The following SCNN1D variants were observed in gnomAD, a reference collection of about 807,000 sequenced individuals.
SCNN1D encodes the protein sodium channel epithelial 1 subunit delta.
Under a neutral mutation model 87.8 loss-of-function variants are expected in SCNN1D, and 104 were observed. That is an observed-to-expected ratio of 1.18 (90% CI 1.01 to 1.39). SCNN1D has a LOEUF of 1.39. Among genes scored for constraint, SCNN1D ranks in the 40% most tolerant of loss-of-function variants. SCNN1D has a pLI of 0.00. For missense variants in SCNN1D, 1,324 were observed against 1,093.9 expected (o/e 1.21, Z -2.97); for synonymous variants, 628 against 481.2 (o/e 1.31, Z -3.99).
intron 1 of SCNN1D, chr1:1,280,964 G>A (rs1161980752): frequency 1.0e-5 from 6 of 590,510 alleles, no homozygotes; most frequent in Non-Finnish European, 1.8e-5. Flanking sequence ...TGCAGTTGAT[G>A]CCCGGGGCCG....
At chr1:1,285,833 C>A (rs948438414) in intron 6 of SCNN1D, 93 bp from the exon 7 acceptor site, 3 of 1,329,380 alleles carry the variant, frequency 2.3e-6, no homozygotes, top group Non-Finnish European at 3.1e-6. Context: ...GCAGGTAGGG[C>A]GGGGCACTGG....
chr1:1,291,550 G>A lies in SCNN1D; in HGVS notation c.2349G>A (p.Ala783=), dbSNP rs144529696. The change falls in exon 18 of 18, where the codon GCG becomes GCA. Residue 783 remains alanine (A), a synonymous_variant. Coordinates refer to ENST00000379116, the MANE Select transcript of SCNN1D (RefSeq NM_001130413.4). ...GGGTGATGCTTCCAGGGGTTCTGGC[G>A]GGAGTCTCAGCCGAAGAGAGCTGGG... is the stretch of plus-strand genomic sequence containing the variant. The part of the protein sequence containing the change: ...LPRVMLPGVL[A]GVSAEESWAG... 3.0e-4 allele frequency: 480 copies of A among 1,593,192 alleles called. 2 individuals carry two copies. The highest frequency in any genetic ancestry group is 2.8e-3 in the African/African-American group (205 of 74,440).
chr1:1,290,765 C>T, intron 15 of SCNN1D, 71 bp downstream of exon 15: 1 of 1,595,320 alleles, frequency 6.3e-7, no homozygotes, highest in Non-Finnish European at 8.6e-7. Context: ...CAGAGCCCAC[C>T]CAAGACAAGG....
At position 1,290,319 on chromosome 1, in the gene SCNN1D, TG is replaced by T. The variant is rs1640759094; in HGVS notation, c.1712del (p.Cys571LeufsTer76). The T allele has an allele frequency of 4.3e-5, 68 of 1,593,186 alleles. No individual in the cohort carries two copies. The highest frequency in any genetic ancestry group is 5.7e-5 in the Non-Finnish European group (67 of 1,168,388). On this transcript the variant is annotated frameshift_variant, in exon 13 of 18. Coordinates refer to ENST00000379116, the MANE Select transcript of SCNN1D (RefSeq NM_001130413.4). LOFTEE classifies it high-confidence loss of function. ...FQQLMVETCS[C>X]GYYLHPLPAG... ...GCAGCTGATGGTGGAGACCTGCTCC[TG>T]TGGCTACTACCTCCACCCTCTGCCG...
Position 1,287,509 on chromosome 1 carries a change from C to G in SCNN1D, c.1312C>G (p.Gln438Glu), listed in dbSNP as rs772315736. 2.0e-6 allele frequency: 3 copies of G among 1,518,832 alleles called. No homozygotes were observed. Among genetic ancestry groups the G allele is most frequent in the Non-Finnish European group, 2.6e-6 (3 of 1,132,480 alleles). The allele number at this position is 1,518,832 out of a possible 1,614,324, so 94.1% of individuals were successfully genotyped here. The change falls in exon 10 of 18, where the codon CAG (glutamine) becomes GAG (glutamate). Residue 438 changes from glutamine (Q) to glutamate (E), a missense_variant and splice_region_variant. Physicochemically the swap from Gln to Glu is conservative, Grantham distance 29 (BLOSUM62 2). Coordinates refer to ENST00000379116, the MANE Select transcript of SCNN1D (RefSeq NM_001130413.4). ...TCTGAGCTTGGCTTCTCATTCCAGA[C>G]AGTTCCGGACCTTCCACCACCCCAC... ...SYDGLDCQAR[Q>E]FRTFHHPTYG...
At chr1:1,288,228 T>TCTGCCCCGTCCCGTGTCC (rs1640658701) in intron 12 of SCNN1D, among the ~76,000 whole-genome samples, 191 bp downstream of exon 12, 1 of 127,552 alleles carries the variant, frequency 7.8e-6, no homozygotes, top group Admixed American at 9.1e-5. Flanking sequence ...GTCCCGTGTC[T>TCTGCCCCGTCCCGTGTCC]CTGCTCCGTC....
intron 15 of SCNN1D, 75 bp downstream of exon 15, chr1:1,290,769 G>C (rs1250306052): frequency 1.3e-6 from 2 of 1,593,542 alleles, no homozygotes; most frequent in East Asian, 2.2e-5. Context: ...GCCCACCCAA[G>C]ACAAGGGCAG....
Position 1,287,849 on chromosome 1 carries a change from C to T in SCNN1D, c.1563+13C>T. 1 of 1,527,806 alleles carries T rather than the reference C, an allele frequency of 6.5e-7. No individual in the cohort carries two copies. The highest frequency in any genetic ancestry group is 8.8e-7 in the Non-Finnish European group (1 of 1,131,448). 94.6% of individuals were successfully genotyped at this position (1,527,806 alleles called of 1,614,324 possible). A position where few individuals can be genotyped will look rare whatever the true frequency, so the allele number is the denominator to read the frequency against. ...CAGCATCCGAGAGGTGAGCTGGCCT[C>T]TGCAGCCAACCTCCGGCCCAGGCCT... On this transcript the variant is annotated intron_variant, in intron 11 of 17. Transcript: ENST00000379116.
chr1:1,291,319 CCTCCTGGAG>C lies in SCNN1D; in HGVS notation c.2130_2138del (p.Glu712_Leu714del), dbSNP rs754760975. ...TGTGGTTTGGGGCCTCCGTCCTCTCCCTCCTGGAGCTCCTGGAGCTGCTGCTCGATGCTT... is the reference window on the plus strand; with the variant it reads ...TGTGGTTTGGGGCCTCCGTCCTCTCCCTCCTGGAGCTGCTGCTCGATGCTT... On this transcript the variant is annotated inframe_deletion, in exon 18 of 18. Transcript: ENST00000379116. 19 of 1,595,834 alleles carry C rather than the reference CCTCCTGGAG, an allele frequency of 1.2e-5. No homozygotes were observed. The highest frequency in any genetic ancestry group is 1.4e-5 in the Non-Finnish European group (17 of 1,173,062).
chr1:1,286,297 G>C lies in SCNN1D; in HGVS notation c.911+19G>C. 6.5e-7 allele frequency: 1 copy of C among 1,535,806 alleles called. No homozygotes were observed. The highest frequency in any genetic ancestry group is 8.8e-7 in the Non-Finnish European group (1 of 1,140,538). ...CACGTCGGTGAGGGCCAGGGCTGTC[G>C]GCGGGAGGGGTGGCCGCCCCAGCTC... On this transcript the variant is annotated intron_variant, in intron 7 of 17. Transcript: ENST00000379116.
In SCNN1D at chr1:1,291,823, T is replaced by G. The variant is rs918038638; in HGVS notation, c.*213T>G. 1 of 455,360 alleles carries G rather than the reference T, an allele frequency of 2.2e-6. No individual in the cohort carries two copies. The highest frequency in any genetic ancestry group is 3.8e-6 in the Non-Finnish European group (1 of 259,850). 28.2% of individuals were successfully genotyped at this position (455,360 alleles called of 1,614,324 possible). Reference sequence around the variant, plus strand: ...CAAGGAGGCCCGGGGCGGAGGGGGGTTCCCGCGTGCACACGAGTGCGGCTG... The same window carrying G: ...CAAGGAGGCCCGGGGCGGAGGGGGGGTCCCGCGTGCACACGAGTGCGGCTG... On this transcript the variant is annotated 3_prime_UTR_variant, in exon 18 of 18. Coordinates refer to ENST00000379116, the MANE Select transcript of SCNN1D (RefSeq NM_001130413.4).
intron 11 of SCNN1D, 33 bp from the exon 12 acceptor site, chr1:1,287,906 C>A: frequency 6.6e-7 from 1 of 1,526,024 alleles, no homozygotes; most frequent in Non-Finnish European, 8.8e-7. Flanking sequence ...GGGGTGAGGG[C>A]AGGGCCCATG....
At position 1,291,235 on chromosome 1, in the gene SCNN1D, A is replaced by G. The variant is rs776542782; in HGVS notation, c.2053-19A>G. 8.7e-5 allele frequency: 135 copies of G among 1,560,692 alleles called. No individual in the cohort carries two copies. In the East Asian group the frequency reaches 2.6e-3, roughly 30 times the overall value. On this transcript the variant is annotated intron_variant, in intron 17 of 17. Transcript: ENST00000379116. ...ACGGGGGCCTGGGCCCGCCCCTCAC[A>G]CCCGCACCCCACCCGCAGGTGCCGC...
intron 8 of SCNN1D, 43 bp from the exon 9 acceptor site, chr1:1,287,066 C>A: frequency 6.3e-7 from 1 of 1,578,014 alleles, no homozygotes. Flanking sequence ...GGAGCGGGGC[C>A]TGGGCTGTAG....
rs1640814908 is a variant in SCNN1D, at chr1:1,291,439, C to T, written c.2238C>T (p.Ser746=). Reference sequence around the variant, plus strand: ...GAGCCAGCCCTGCCTCAGGGGCGTCCAGCATCAAGCCAGAGGCCAGTCAGA... The same window carrying T: ...GAGCCAGCCCTGCCTCAGGGGCGTCTAGCATCAAGCCAGAGGCCAGTCAGA... The part of the protein sequence containing the change: ...WPRASPASGA[S]SIKPEASQMP... The change falls in exon 18 of 18, where the codon TCC becomes TCT. Residue 746 remains serine (S), a synonymous_variant. Transcript: ENST00000379116. The T allele has an allele frequency of 6.2e-7, 1 of 1,607,508 alleles. No individual in the cohort carries two copies. Among genetic ancestry groups the T allele is most frequent in the African/African-American group, 1.3e-5 (1 of 74,912 alleles).
chr1:1,288,253 C>CA (rs1557584302), intron 12 of SCNN1D, among the ~76,000 whole-genome samples: 9 of 128,558 alleles, frequency 7.0e-5, no homozygotes, highest in African/African-American at 1.9e-4. Flanking sequence ...GTCTCTGCTC[C>CA]GTCCCGTGTC....
chr1:1,288,475 T>TCC (rs751074775), intron 12 of SCNN1D, among the ~76,000 whole-genome samples: 2 of 46,992 alleles, frequency 4.3e-5, no homozygotes, highest in Admixed American at 2.2e-4. Flanking sequence ...CTCTGCTCCG[T>TCC]CCCGTGTCTC....
intron 12 of SCNN1D, among the ~76,000 whole-genome samples, chr1:1,290,045 CCTGCTCCGTCCCGTGTCT>C (rs1557586020): frequency 0.043 from 308 of 7,214 alleles, no homozygotes; most frequent in Non-Finnish European, 0.049. Context: ...GTCCCGTGTC[CCTGCTCCGTCCCGTGTCT>C]CTGCTCCGTC....
chr1:1,282,623 C>T (rs1313844658), intron 4 of SCNN1D, among the ~76,000 whole-genome samples: 1 of 152,086 alleles, frequency 6.6e-6, no homozygotes, highest in Non-Finnish European at 1.5e-5. Context: ...CTGACAGTAG[C>T]ATGTGGTCTT....
Sources: gnomAD v4.1 joint callset for allele counts (sites outside exome capture counted in the v4.1 genomes callset) on GRCh38, gnomAD v4.1.1 for gene constraint, MANE v1.5 for transcripts, NCBI Gene and HGNC (gene_info 2026-07-23, HGNC 2026-07-21) for gene names.